Variants in DOCK2 observed in about 807,000 individuals in gnomAD.
The protein encoded by DOCK2 is dedicator of cytokinesis 2.
DOCK2 carries 87 observed loss-of-function variants against 248.9 expected under a neutral mutation model. The ratio of observed to expected loss-of-function variants is 0.35; its 90% CI spans 0.29 to 0.42. DOCK2 has a LOEUF of 0.42. Ranked by LOEUF, DOCK2 falls within the 10% of genes least tolerant of loss-of-function variation. DOCK2 has a pLI of 1.00. For synonymous variants in DOCK2, 805 were observed against 821.6 expected, an observed-to-expected ratio of 0.98 and a Z score of 0.35; for missense variants, 1,747 against 2,300.2, an observed-to-expected ratio of 0.76 and a Z score of 4.92.
chr5:169,971,554 C>T lies in DOCK2; in HGVS notation c.2800-11514C>T, dbSNP rs74848001. On this transcript the variant is annotated intron_variant, in intron 27 of 51. Coordinates refer to ENST00000520908, the MANE Select transcript of DOCK2 (RefSeq NM_004946.3). ...AAACAGTTATCTCTGAGTTCAGCCTCATAGGATTTTTCTCATCATGGGGAT... is the reference window on the plus strand; with the variant it reads ...AAACAGTTATCTCTGAGTTCAGCCTTATAGGATTTTTCTCATCATGGGGAT... 3.3e-3 allele frequency among the ~76,000 whole-genome samples: 507 copies of T among 151,932 alleles called. 1 individual carries two copies. Among genetic ancestry groups the T allele is most frequent in the Non-Finnish European group, 5.8e-3 (393 of 67,984 alleles).
Position 169,950,400 on chromosome 5 carries a change from A to G in DOCK2, c.2800-32668A>G, listed in dbSNP as rs146271491. 7.2e-5 allele frequency among the ~76,000 whole-genome samples: 11 copies of G among 152,380 alleles called. No homozygotes were observed. In the East Asian group the frequency reaches 1.5e-3, roughly 21 times the overall value. On this transcript the variant is annotated intron_variant, in intron 27 of 51. Transcript: ENST00000520908. ...CAAAAAACAGTAGTATTATCTCAGCATAACAGTCTTTTTGGACTTTCAAAC... is the reference window on the plus strand; with the variant it reads ...CAAAAAACAGTAGTATTATCTCAGCGTAACAGTCTTTTTGGACTTTCAAAC...
intron 27 of DOCK2, among the ~76,000 whole-genome samples, chr5:169,952,660 C>T (rs1776707593): frequency 2.0e-5 from 3 of 152,144 alleles, no homozygotes; most frequent in Admixed American, 1.3e-4. Flanking sequence ...ATGCACAGCA[C>T]CCCACCTGCT....
chr5:170,047,588 G>A lies in DOCK2; in HGVS notation c.4045G>A (p.Gly1349Ser). The change falls in exon 40 of 52, where the codon GGC (glycine) becomes AGC (serine). Residue 1349 changes from glycine (G) to serine (S), a missense_variant. Gly to Ser is a moderately conservative substitution (Grantham distance 56). Transcript: ENST00000520908. ...KPDYFAVGYY[G>S]QGFPSFLRNK... is the part of the protein sequence containing the mutation. ...AGACTACTTTGCTGTTGGATACTAC[G>A]GCCAGGGATTCCCCTCCTTCCTGCG... The A allele has an allele frequency of 6.2e-7, 1 of 1,613,870 alleles. No homozygotes were observed. Among genetic ancestry groups the A allele is most frequent in the Non-Finnish European group, 8.5e-7 (1 of 1,179,892 alleles).
At chr5:169,805,052 G>C (rs1767272062) in intron 26 of DOCK2, among the ~76,000 whole-genome samples, 1 of 151,836 alleles carries the variant, frequency 6.6e-6, no homozygotes. Flanking sequence ...GAAACATGAG[G>C]GTTTGTCTAT....
chr5:169,730,063 T>C (rs1432131731), intron 22 of DOCK2, among the ~76,000 whole-genome samples: 1 of 152,162 alleles, frequency 6.6e-6, no homozygotes, highest in Non-Finnish European at 1.5e-5. Flanking sequence ...TTCAAGTGAT[T>C]CTCCTGCCTC....
chr5:170,079,037 C>G lies in DOCK2; in HGVS notation c.5057C>G (p.Pro1686Arg), dbSNP rs377714619. The G allele has an allele frequency of 1.9e-6, 3 of 1,614,114 alleles. No homozygotes were observed. The highest frequency in any genetic ancestry group is 1.7e-5 in the Admixed American group (1 of 60,024). The change falls in exon 49 of 52, where the codon CCG (proline) becomes CGG (arginine). Residue 1686 changes from proline (P) to arginine (R), a missense_variant. Around this residue, in one of 4 missense-constraint regions of DOCK2, gnomAD observed 513 missense variants for 586.1 expected, o/e 0.88. Coordinates refer to ENST00000520908, the MANE Select transcript of DOCK2 (RefSeq NM_004946.3). Reference sequence around the variant, plus strand: ...GTGGAGCAGGAGGAACCGATCTCCCCGGGGAGCACCCTGCCTGAGGTCAAG... The same window carrying G: ...GTGGAGCAGGAGGAACCGATCTCCCGGGGGAGCACCCTGCCTGAGGTCAAG... ...PRVEQEEPISPGSTLPEVKLR... is the reference protein window; with the variant it reads ...PRVEQEEPISRGSTLPEVKLR...
intron 6 of DOCK2, among the ~76,000 whole-genome samples, chr5:169,679,402 C>T (rs1341948263): frequency 1.3e-5 from 2 of 152,140 alleles, no homozygotes; most frequent in Non-Finnish European, 2.9e-5. Context: ...GGAGGACAGC[C>T]TCTCCTGCCC....
At chr5:169,643,205 A>T (rs1367183644) in intron 1 of DOCK2, among the ~76,000 whole-genome samples, 1 of 152,174 alleles carries the variant, frequency 6.6e-6, no homozygotes, top group African/African-American at 2.4e-5. Context: ...GGAGAAAGTC[A>T]TTCCTTGTCT....
chr5:170,065,758 A>G (rs1757468823), intron 44 of DOCK2, among the ~76,000 whole-genome samples: 1 of 152,158 alleles, frequency 6.6e-6, no homozygotes, highest in African/African-American at 2.4e-5. Flanking sequence ...ACCTGCCCCC[A>G]TGATTCAGTC....
intron 27 of DOCK2, among the ~76,000 whole-genome samples, chr5:169,941,032 C>T (rs1202133702): frequency 1.3e-5 from 2 of 152,192 alleles, no homozygotes. Context: ...AGCCTGCCCT[C>T]ATGAAGTGTG....
intron 32 of DOCK2, among the ~76,000 whole-genome samples, chr5:170,015,567 T>TTTTGTTTG (rs34726439): frequency 0.052 from 7,912 of 151,044 alleles, 277 homozygotes; most frequent in Middle Eastern, 0.22. Context: ...TTTAGGTTTT[T>TTTTGTTTG]TTTGTTTGTT....
chr5:169,767,222 C>T (rs575738284), intron 25 of DOCK2, among the ~76,000 whole-genome samples: 8 of 152,240 alleles, frequency 5.3e-5, no homozygotes, highest in South Asian at 2.1e-4. Context: ...GTCCTTTGTC[C>T]GCTTTTTAAT....
intron 27 of DOCK2, chr5:169,882,913 C>T: frequency 1.3e-6 from 2 of 1,551,928 alleles, no homozygotes; most frequent in Non-Finnish European, 1.7e-6. Context: ...TGATGAAGGA[C>T]AGTCTGAGGC....
intron 27 of DOCK2, among the ~76,000 whole-genome samples, chr5:169,972,579 AGATAGAT>A (rs70979151): frequency 0.11 from 5,761 of 52,828 alleles, 186 homozygotes; most frequent in African/African-American, 0.25. Context: ...ATAGATAGAT[AGATAGAT>A]GATAGATAGA....
At chr5:169,918,382 A>G (rs1033471535) in intron 27 of DOCK2, among the ~76,000 whole-genome samples, 1 of 152,210 alleles carries the variant, frequency 6.6e-6, no homozygotes, top group African/African-American at 2.4e-5. Context: ...ACACACATGT[A>G]CAAGGAGGTT....
intron 46 of DOCK2, among the ~76,000 whole-genome samples, chr5:170,074,804 C>G (rs886798761): frequency 3.9e-5 from 6 of 152,208 alleles, no homozygotes; most frequent in African/African-American, 1.4e-4. Flanking sequence ...GTCAGGCAAT[C>G]TAACTGCTCC....
intron 35 of DOCK2, among the ~76,000 whole-genome samples, chr5:170,035,872 A>T (rs1471125653): frequency 6.6e-6 from 1 of 152,086 alleles, no homozygotes; most frequent in Non-Finnish European, 1.5e-5. Context: ...TTGGACCAGG[A>T]CCACCTGGCT....
At chr5:169,808,201 T>C (rs1278114571) in intron 26 of DOCK2, among the ~76,000 whole-genome samples, 2 of 152,204 alleles carry the variant, frequency 1.3e-5, no homozygotes, top group Middle Eastern at 3.4e-3. Flanking sequence ...CCATGGAACA[T>C]CCAAGAATAG....
intron 14 of DOCK2, chr5:169,702,709 T>G (rs62384768): frequency 0.27 from 56,692 of 208,674 alleles, 8,368 homozygotes; most frequent in Admixed American, 0.42. Flanking sequence ...ATTTATTTAT[T>G]TATTTACTTT....
Sources: gnomAD v4.1 joint callset for allele counts (sites outside exome capture counted in the v4.1 genomes callset) on GRCh38, gnomAD v4.1.1 for gene constraint, gnomAD v4.1.1 regional missense constraint, MANE v1.5 for transcripts, NCBI Gene and HGNC (gene_info 2026-07-23, HGNC 2026-07-21) for gene names.